The following ADGRL2 variants were observed in gnomAD, a reference collection of about 807,000 sequenced individuals.
ADGRL2 encodes calcium-independent alpha-latrotoxin receptor 2.
ADGRL2 carries 44 observed loss-of-function variants against 157.4 expected under a neutral mutation model. The ratio of observed to expected loss-of-function variants is 0.28; its 90% CI spans 0.22 to 0.36. The LOEUF (loss-of-function observed/expected upper bound fraction) is 0.36, where lower values mean the gene tolerates loss of function less well. ADGRL2 is among the 10% of genes least tolerant of loss of function. ADGRL2 has a pLI of 1.00. For missense variants in ADGRL2, 1,510 were observed against 1,768.9 expected (o/e 0.85, Z 2.63); for synonymous variants, 585 against 624.7 (o/e 0.94, Z 0.95).
At chr1:81,573,509 A>C (rs577186717) in intron 2 of ADGRL2, among the ~76,000 whole-genome samples, 2 of 152,298 alleles carry the variant, frequency 1.3e-5, no homozygotes, top group African/African-American at 4.8e-5. Flanking sequence ...CCATCCCAGC[A>C]ATACTATTGC....
chr1:81,783,230 T>C (rs1557647849), intron 2 of ADGRL2, among the ~76,000 whole-genome samples: 1 of 152,072 alleles, frequency 6.6e-6, no homozygotes, highest in African/African-American at 2.4e-5. Flanking sequence ...TTCAGGCAAT[T>C]CTCCTGTCTC....
At chr1:81,321,063 T>A (rs897639402) in intron 1 of ADGRL2, among the ~76,000 whole-genome samples, 4 of 152,242 alleles carry the variant, frequency 2.6e-5, no homozygotes, top group African/African-American at 9.6e-5. Flanking sequence ...GGTAACTTAC[T>A]GTAGCTTCTA....
At chr1:81,403,606 T>C (rs947660983) in intron 1 of ADGRL2, among the ~76,000 whole-genome samples, 6 of 152,178 alleles carry the variant, frequency 3.9e-5, no homozygotes, top group African/African-American at 1.4e-4. Flanking sequence ...TAGGATGGCA[T>C]ATCAAAAGTG....
chr1:81,719,007 C>G (rs191974842), intron 1 of ADGRL2, among the ~76,000 whole-genome samples: 23 of 152,240 alleles, frequency 1.5e-4, no homozygotes, highest in Admixed American at 3.9e-4. Context: ...AGTTATTAAC[C>G]CTTATGGACA....
intron 1 of ADGRL2, among the ~76,000 whole-genome samples, chr1:81,815,573 A>G (rs2090315752): frequency 6.6e-6 from 1 of 151,830 alleles, no homozygotes; most frequent in African/African-American, 2.4e-5. Flanking sequence ...ATTAGGGTTG[A>G]TTCTCATCAG....
At chr1:81,409,125 T>A (rs2076907130) in intron 1 of ADGRL2, among the ~76,000 whole-genome samples, 1 of 152,234 alleles carries the variant, frequency 6.6e-6, no homozygotes, top group Non-Finnish European at 1.5e-5. Context: ...GTGTTAGCTT[T>A]CCATGTTGTG....
chr1:81,869,337 A>T (rs2093632321), intron 2 of ADGRL2, among the ~76,000 whole-genome samples: 1 of 152,086 alleles, frequency 6.6e-6, no homozygotes, highest in African/African-American at 2.4e-5. Flanking sequence ...TTCTGATTTT[A>T]AAAAACACGC....
chr1:81,454,161 C>T (rs149424142), intron 2 of ADGRL2, among the ~76,000 whole-genome samples: 4 of 151,820 alleles, frequency 2.6e-5, no homozygotes, highest in Non-Finnish European at 5.9e-5. Flanking sequence ...CATCTCAATC[C>T]TCACTCTTTT....
intron 1 of ADGRL2, among the ~76,000 whole-genome samples, chr1:81,409,670 G>A (rs761255886): frequency 2.6e-5 from 4 of 152,230 alleles, no homozygotes; most frequent in African/African-American, 4.8e-5. Flanking sequence ...GGGAGCAGGT[G>A]TAAGGGTGAC....
intron 2 of ADGRL2, among the ~76,000 whole-genome samples, chr1:81,889,857 A>G (rs1242807642): frequency 6.6e-6 from 1 of 152,170 alleles, no homozygotes; most frequent in Non-Finnish European, 1.5e-5. Context: ...TCCTTGGGCC[A>G]TTAGGAATTA....
At chr1:81,524,455 G>T (rs1429434567) in intron 2 of ADGRL2, among the ~76,000 whole-genome samples, 1 of 152,104 alleles carries the variant, frequency 6.6e-6, no homozygotes, top group Non-Finnish European at 1.5e-5. Flanking sequence ...ATCTATTTAG[G>T]ATTATACACA....
At chr1:81,511,507 T>C (rs992363582) in intron 2 of ADGRL2, among the ~76,000 whole-genome samples, 1 of 152,082 alleles carries the variant, frequency 6.6e-6, no homozygotes, top group African/African-American at 2.4e-5. Flanking sequence ...AATGATTACT[T>C]CTTTAACATA....
At chr1:81,764,991 T>C (rs892504736) in intron 2 of ADGRL2, among the ~76,000 whole-genome samples, 3 of 152,056 alleles carry the variant, frequency 2.0e-5, no homozygotes, top group Non-Finnish European at 4.4e-5. Flanking sequence ...CTTTTCCAAA[T>C]TGTATTGTGT....
At chr1:81,840,520 CA>C (rs1307369467) in intron 2 of ADGRL2, among the ~76,000 whole-genome samples, 1 of 152,068 alleles carries the variant, frequency 6.6e-6, no homozygotes, top group Non-Finnish European at 1.5e-5. Flanking sequence ...TGTACACATA[CA>C]GGGGCAAATC....
chr1:81,515,378 A>G (rs915165941), intron 2 of ADGRL2, among the ~76,000 whole-genome samples: 1 of 151,718 alleles, frequency 6.6e-6, no homozygotes, highest in Non-Finnish European at 1.5e-5. Context: ...AGAACATGAT[A>G]ATGGTGCCTT....
intron 3 of ADGRL2, among the ~76,000 whole-genome samples, chr1:81,917,128 C>T (rs552457098): frequency 1.3e-5 from 2 of 151,888 alleles, no homozygotes; most frequent in African/African-American, 4.8e-5. Flanking sequence ...CCACTCCTGG[C>T]GAGATAATTT....
chr1:81,612,387 A>C (rs1201418979), intron 3 of ADGRL2, among the ~76,000 whole-genome samples: 1 of 152,196 alleles, frequency 6.6e-6, no homozygotes, highest in Non-Finnish European at 1.5e-5. Context: ...CTAAAAAAGA[A>C]AACCTTGATA....
At chr1:81,383,451 C>T (rs1168434685) in intron 1 of ADGRL2, among the ~76,000 whole-genome samples, 4 of 150,748 alleles carry the variant, frequency 2.7e-5, no homozygotes, top group East Asian at 4.1e-4. Flanking sequence ...TGAGCCACCA[C>T]GGGTGATTAT....
intron 1 of ADGRL2, among the ~76,000 whole-genome samples, chr1:81,403,531 G>T (rs6700288): frequency 0.44 from 66,416 of 151,824 alleles, 15,505 homozygotes; most frequent in East Asian, 0.62. Context: ...CTCCCAAAGT[G>T]CTGGGATTAC....
Sources: allele counts gnomAD v4.1 joint callset (sites outside exome capture counted in the v4.1 genomes callset), GRCh38; gene constraint gnomAD v4.1.1; transcripts MANE v1.5; gene names NCBI Gene and HGNC (gene_info 2026-07-23, HGNC 2026-07-21).